Variants in COG6 observed in about 807,000 individuals in gnomAD.
The protein encoded by COG6 is component of oligomeric golgi complex 6.
A neutral mutation model predicts 88.8 loss-of-function variants in COG6; 74 were observed. The ratio of observed to expected loss-of-function variants is 0.83; its 90% confidence interval spans 0.69 to 1.01. The LOEUF is 1.01. Among genes scored for constraint, COG6 ranks in the 50% least tolerant of loss-of-function variants. The probability of loss-of-function intolerance (pLI) is 0.00; values close to 1 mark genes in which losing one functional copy is unlikely to be tolerated. For synonymous variants in COG6, 286 were observed against 278.7 expected (o/e 1.03, Z -0.26); for missense variants, 800 against 797.9 (o/e 1.00, Z -0.03).
chr13:39,719,095 A>T (rs1008840336), intron 13 of COG6, 141 bp from the exon 14 acceptor site: 18 of 759,762 alleles, frequency 2.4e-5, no homozygotes, highest in Non-Finnish European at 3.8e-5. Flanking sequence ...GTTCAAAGTA[A>T]GCTATTGATA....
chr13:39,772,435 AG>A (rs769530328), intron 18 of COG6, among the ~76,000 whole-genome samples: 37 of 152,346 alleles, frequency 2.4e-4, no homozygotes, highest in Middle Eastern at 3.4e-3. Context: ...TCCTGCCCTC[AG>A]GGAGCTTGTA....
intron 7 of COG6, among the ~76,000 whole-genome samples, chr13:39,680,898 T>A (rs115243463): frequency 1.9e-3 from 286 of 152,244 alleles, no homozygotes; most frequent in African/African-American, 6.7e-3. Context: ...TCTGAGAAAA[T>A]CTCTCCATTT....
At chr13:39,678,883 A>AT (rs376506201) in intron 5 of COG6, among the ~76,000 whole-genome samples, 224 of 151,968 alleles carry the variant, frequency 1.5e-3, no homozygotes, top group African/African-American at 5.0e-3. Context: ...TTGACATATC[A>AT]TTTTTTCTCC....
rs1231011349 is a variant in COG6 at position 39,751,487 on chromosome 13, A to AT, written c.*395dup. Reference sequence around the variant, plus strand: ...TTAGTATAAGGATATGACCTAATAAATGTCTCCTTACCTAAAGATTCATTT... The same window carrying AT: ...TTAGTATAAGGATATGACCTAATAAATTGTCTCCTTACCTAAAGATTCATTT... On this transcript the variant is annotated 3_prime_UTR_variant, in exon 19 of 19. Transcript: ENST00000455146. The AT allele has an allele frequency of 5.6e-6, 7 of 1,260,646 alleles. No homozygotes were observed. The highest frequency in any genetic ancestry group is 6.2e-6 in the Non-Finnish European group (6 of 964,326). The allele number at this position is 1,260,646 out of a possible 1,614,324, so 78.1% of individuals were successfully genotyped here.
chr13:39,777,800 G>A lies in COG6; in HGVS notation c.1827-10535G>A, dbSNP rs9576901. ...TTTCCTTGATACTGAAAAAAGGGTA[G>A]TAGGGAATGTATGTTTGCTGCGGCC... On this transcript the variant is annotated intron_variant, in intron 18 of 18. Transcript: ENST00000416691. Among the ~76,000 whole-genome samples the A allele has an allele frequency of 8.5e-5, 13 of 152,292 alleles. No homozygotes were observed. In the East Asian group the frequency reaches 2.3e-3, roughly 27 times the overall value.
chr13:39,704,518 T>A (rs1256082502), intron 13 of COG6, among the ~76,000 whole-genome samples: 1 of 152,210 alleles, frequency 6.6e-6, no homozygotes, highest in Non-Finnish European at 1.5e-5. Context: ...GTCTTTATCC[T>A]CATTGTCTTC....
chr13:39,769,327 A>G (rs537168303), intron 18 of COG6, among the ~76,000 whole-genome samples: 7 of 152,306 alleles, frequency 4.6e-5, no homozygotes, highest in Non-Finnish European at 8.8e-5. Flanking sequence ...ACCAACTTAT[A>G]CTTTCTCCAG....
intron 18 of COG6, among the ~76,000 whole-genome samples, chr13:39,786,658 T>TA (rs1402120894): frequency 3.3e-5 from 5 of 152,198 alleles, no homozygotes; most frequent in African/African-American, 1.2e-4. Context: ...AATCATTTTT[T>TA]ATAGGGCTCC....
chr13:39,690,144 A>T (rs1876903307), intron 11 of COG6, among the ~76,000 whole-genome samples: 1 of 151,992 alleles, frequency 6.6e-6, no homozygotes. Flanking sequence ...TAACAGAGAG[A>T]TTTACTAAGA....
At chr13:39,765,486 A>G (rs1208178799) in intron 18 of COG6, among the ~76,000 whole-genome samples, 1 of 152,230 alleles carries the variant, frequency 6.6e-6, no homozygotes, top group East Asian at 1.9e-4. Flanking sequence ...TACTAGAAAT[A>G]ATCTTATTTC....
chr13:39,699,090 A>AG (rs1491141439), intron 12 of COG6, among the ~76,000 whole-genome samples: 1 of 151,868 alleles, frequency 6.6e-6, no homozygotes, highest in African/African-American at 2.4e-5. Flanking sequence ...AGAATAACTC[A>AG]GTATTTATAC....
chr13:39,715,038 A>G (rs1878450367), intron 13 of COG6, among the ~76,000 whole-genome samples: 10 of 152,100 alleles, frequency 6.6e-5, no homozygotes. Context: ...GATATAATGT[A>G]CTATGGAGAC....
At chr13:39,753,124 A>C (rs987617496), downstream of COG6, among the ~76,000 whole-genome samples, 2 of 152,210 alleles carry the variant, frequency 1.3e-5, no homozygotes, top group African/African-American at 4.8e-5. Flanking sequence ...CCCCAAATTC[A>C]TGTTGAAATC....
At chr13:39,656,218 G>A in intron 1 of COG6, 1 of 511,808 alleles carries the variant, frequency 2.0e-6, no homozygotes, top group South Asian at 1.5e-5. Context: ...CTGGGAGAGT[G>A]GAGGAGAGCA....
intron 15 of COG6, 62 bp from the exon 16 acceptor site, chr13:39,723,271 C>T: frequency 2.9e-6 from 3 of 1,021,902 alleles, no homozygotes; most frequent in Non-Finnish European, 4.6e-6. Context: ...ATGCAAGGCA[C>T]TGCATCTACT....
Position 39,751,303 on chromosome 13 carries a change from C to T in COG6, c.*210C>T. On this transcript the variant is annotated 3_prime_UTR_variant, in exon 19 of 19. Transcript: ENST00000455146. ...GAGCTAGTATTGCTGTGTATCTACTCTAAATGAGATGATCTATTTTTTTGC... is the reference window on the plus strand; with the variant it reads ...GAGCTAGTATTGCTGTGTATCTACTTTAAATGAGATGATCTATTTTTTTGC... 6.7e-7 allele frequency: 1 copy of T among 1,498,296 alleles called. No individual in the cohort carries two copies. The highest frequency in any genetic ancestry group is 2.6e-5 in the East Asian group (1 of 38,118). The allele number at this position is 1,498,296 out of a possible 1,614,324, so 92.8% of individuals were successfully genotyped here. A position where few individuals can be genotyped will look rare whatever the true frequency, so the allele number is the denominator to read the frequency against.
intron 18 of COG6, among the ~76,000 whole-genome samples, chr13:39,784,504 A>G (rs997125171): frequency 2.6e-5 from 4 of 152,230 alleles, no homozygotes; most frequent in African/African-American, 9.6e-5. Flanking sequence ...GTTCACAAGG[A>G]GTTCATAGTT....
intron 18 of COG6, among the ~76,000 whole-genome samples, chr13:39,778,548 C>G (rs1881536794): frequency 6.6e-6 from 1 of 151,952 alleles, no homozygotes; most frequent in South Asian, 2.1e-4. Context: ...TAGATTCTGC[C>G]TTCAGACCCC....
At chr13:39,704,991 A>C (rs1370801586) in intron 13 of COG6, among the ~76,000 whole-genome samples, 1 of 152,140 alleles carries the variant, frequency 6.6e-6, no homozygotes, top group East Asian at 1.9e-4. Context: ...GGTTTTTTGC[A>C]AGAATATCTT....
Sources: gnomAD v4.1 joint callset for allele counts (sites outside exome capture counted in the v4.1 genomes callset) on GRCh38, gnomAD v4.1.1 for gene constraint, MANE v1.5 for transcripts, NCBI Gene and HGNC (gene_info 2026-07-23, HGNC 2026-07-21) for gene names.